Variants in NT5DC2 observed in about 807,000 individuals in gnomAD.
NT5DC2 encodes 5'-nucleotidase domain containing 2, also known as 5'-nucleotidase domain-containing protein 2.
In NT5DC2, 41 loss-of-function variants were observed where a neutral mutation model predicts 70.0. The observed-to-expected ratio is 0.59, with a 90% CI of 0.46 to 0.76. The LOEUF is 0.76. Ranked by LOEUF, NT5DC2 falls within the 30% of genes least tolerant of loss-of-function variation. NT5DC2 has a pLI of 0.00. For missense variants in NT5DC2, 705 were observed against 783.2 expected (o/e 0.90, Z 1.19); for synonymous variants, 299 against 310.4 (o/e 0.96, Z 0.39).
rs2079199673 is a variant in NT5DC2 at position 52,524,394 on chromosome 3, G to A, written c.*76C>T. ...TGAAAGCAGAAGCATGCACAGGGAG[G>A]AGACCACTTTTATTGCTTGTCTGGG... On this transcript the variant is annotated 3_prime_UTR_variant, in exon 14 of 14. Coordinates refer to ENST00000422318, the MANE Select transcript of NT5DC2 (RefSeq NM_001134231.2). 2 of 1,612,980 alleles carry A rather than the reference G, an allele frequency of 1.2e-6. No individual in the cohort carries two copies. Among genetic ancestry groups the A allele is most frequent in the Non-Finnish European group, 1.7e-6 (2 of 1,179,702 alleles).
chr3:52,529,175 C>T lies in NT5DC2; in HGVS notation c.392G>A (p.Arg131His), dbSNP rs147863928. Residue 131 changes from arginine (R) to histidine (H), a missense_variant, in exon 2 of 14, where the codon CGT (arginine) becomes CAT (histidine). Arg to His is a conservative substitution (Grantham distance 29). Transcript: ENST00000422318. The surrounding 1 kb of genome is among the most constrained non-coding windows in gnomAD (Gnocchi z 4.1). ...ALHPEIFSTA[R>H]DILIEHYKYP... ...CTTGTAGTGCTCGATCAGGATGTCA[C>T]GGGCGGTACTGAAGATCTCGGGGTG... is the stretch of plus-strand genomic sequence containing the variant. 1.7e-5 allele frequency: 27 copies of T among 1,613,954 alleles called. No homozygotes were observed. The highest frequency in any genetic ancestry group is 7.7e-5 in the South Asian group (7 of 91,086).
At chr3:52,534,705 C>A, upstream of NT5DC2, 1 of 1,566,194 alleles carries the variant, frequency 6.4e-7, no homozygotes, top group Non-Finnish European at 8.7e-7. Context: ...AGGCTGTGCT[C>A]AGGGTCCGGA....
chr3:52,527,457 C>T lies in NT5DC2; in HGVS notation c.1038-82G>A, dbSNP rs757651561. ...AACCCCCATCCCTCCTCCGTAAAGG[C>T]CCACCTGCTCAAGTGGACCCATGCC... On this transcript the variant is annotated intron_variant, in intron 9 of 13. Coordinates refer to ENST00000422318, the MANE Select transcript of NT5DC2 (RefSeq NM_001134231.2). 2,018 of 1,506,158 alleles carry T rather than the reference C, an allele frequency of 1.3e-3. 46 individuals are homozygous for T. Among genetic ancestry groups the T allele is most frequent in the Non-Finnish European group, 2.6e-4 (288 of 1,090,498 alleles). The allele number at this position is 1,506,158 out of a possible 1,614,324, so 93.3% of individuals were successfully genotyped here.
chr3:52,534,097 G>C (rs1041173592), upstream of NT5DC2: 2 of 264,116 alleles, frequency 7.6e-6, no homozygotes, highest in African/African-American at 4.7e-5. Context: ...GGCCGTCCCT[G>C]AGAGGCTCCG....
rs893547843 is a variant in NT5DC2, at chr3:52,528,222, G to A, written c.732C>T (p.Ser244=). The change falls in exon 6 of 14, where the codon AGC becomes AGT. Residue 244 remains serine, a synonymous_variant. Transcript: ENST00000422318. ...SCVVDYFLGH[S]LEFDQAHLYK... Reference sequence around the variant, plus strand: ...AGAGATGTGCTTGGTCAAACTCCAGGCTGTGGCCCAGAAAGTAGTCCACCA... The same window carrying A: ...AGAGATGTGCTTGGTCAAACTCCAGACTGTGGCCCAGAAAGTAGTCCACCA... 6.2e-7 allele frequency: 1 copy of A among 1,613,228 alleles called. No individual in the cohort carries two copies. The highest frequency in any genetic ancestry group is 1.3e-5 in the African/African-American group (1 of 74,930).
chr3:52,534,586 T>A (rs1419306549), upstream of NT5DC2: 25 of 1,613,750 alleles, frequency 1.5e-5, no homozygotes, highest in Non-Finnish European at 2.0e-5. Context: ...TGTGGTCTTT[T>A]CTAGCAACGT....
At chr3:52,530,613 G>A (rs1265443899) in intron 1 of NT5DC2, among the ~76,000 whole-genome samples, 1 of 152,158 alleles carries the variant, frequency 6.6e-6, no homozygotes, top group East Asian at 1.9e-4. Flanking sequence ...TACTCAGGAG[G>A]CTGAGGCGAG....
chr3:52,534,506 C>G, upstream of NT5DC2: 1 of 1,612,746 alleles, frequency 6.2e-7, no homozygotes. Context: ...CCGCTTGGTT[C>G]GGACCTCGGC....
chr3:52,525,677 G>A, intron 10 of NT5DC2: 1 of 198,234 alleles, frequency 5.0e-6, no homozygotes, highest in Non-Finnish European at 1.0e-5. Context: ...CAGACCAATG[G>A]CAGACCTCAC....
At chr3:52,530,288 A>C (rs996307455) in intron 1 of NT5DC2, among the ~76,000 whole-genome samples, 1 of 152,244 alleles carries the variant, frequency 6.6e-6, no homozygotes, top group Non-Finnish European at 1.5e-5. Context: ...TGAGGCCCAC[A>C]GCAGGGTGCT....
chr3:52,525,642 C>A (rs921666672), intron 10 of NT5DC2: 10 of 275,874 alleles, frequency 3.6e-5, no homozygotes, highest in Non-Finnish European at 4.9e-5. Context: ...GCTGGCCTCC[C>A]CTGCCTCAGT....
At chr3:52,530,338 G>A (rs1015584287) in intron 1 of NT5DC2, among the ~76,000 whole-genome samples, 21 of 152,206 alleles carry the variant, frequency 1.4e-4, no homozygotes, top group Admixed American at 1.1e-3. Context: ...GGGTCCCAAG[G>A]AGGCAGATGG....
chr3:52,527,949 T>C lies in NT5DC2; in HGVS notation c.833-18A>G, dbSNP rs201139153. On this transcript the variant is annotated intron_variant, in intron 7 of 13. Transcript: ENST00000422318. Reference sequence around the variant, plus strand: ...GTACTTCTCTAATGGGGCAGATGAGTCTGTGAGGGTCAGTCCTGCCACCTG... The same window carrying C: ...GTACTTCTCTAATGGGGCAGATGAGCCTGTGAGGGTCAGTCCTGCCACCTG... 6.2e-7 allele frequency: 1 copy of C among 1,613,330 alleles called. No individual in the cohort carries two copies. The highest frequency in any genetic ancestry group is 2.2e-5 in the East Asian group (1 of 44,876).
rs199497753 is a variant in NT5DC2, at chr3:52,529,207, G to A, written c.360C>T (p.Asp120=). 5.7e-4 allele frequency: 917 copies of A among 1,613,988 alleles called. 2 individuals carry two copies. Among genetic ancestry groups the A allele is most frequent in the Non-Finnish European group, 6.4e-4 (756 of 1,179,994 alleles). The change falls in exon 2 of 14, where the codon GAC becomes GAT. Residue 120 remains aspartate, a synonymous_variant. Coordinates refer to ENST00000422318, the MANE Select transcript of NT5DC2 (RefSeq NM_001134231.2). This position sits in a 1 kb window ranked among gnomAD's most constrained non-coding sequence, Gnocchi z 4.1. ...TACTGAAGATCTCGGGGTGCAGTGC[G>A]TCTGCATACTGGGCCAGGGTGTAGT... ...DYDYTLAQYA[D]ALHPEIFSTA...
upstream of NT5DC2, chr3:52,534,868 C>CT (rs1161618970): frequency 3.4e-6 from 2 of 586,644 alleles, no homozygotes; most frequent in Non-Finnish European, 6.0e-6. Context: ...AGTCCATGGC[C>CT]TGGGGACTGG....
chr3:52,524,730 A>C lies in NT5DC2; in HGVS notation c.1414T>G (p.Cys472Gly). The C allele has an allele frequency of 6.2e-7, 1 of 1,612,654 alleles. No individual in the cohort carries two copies. Among genetic ancestry groups the C allele is most frequent in the Non-Finnish European group, 8.5e-7 (1 of 1,179,932 alleles). The change falls in exon 14 of 14, where the codon TGC (cysteine) becomes GGC (glycine). Residue 472 changes from cysteine to glycine, a missense_variant and splice_region_variant. Physicochemically the swap from Cys to Gly is radical, Grantham distance 159 (BLOSUM62 -3). Transcript: ENST00000422318. ...GCATTGAACAGGGCCTTGGTGATGC[A>C]CCTGGCGAGGGAGACACGATGCGCT... ...AWMKERQELR[C>G]ITKALFNAQF... is the part of the protein sequence containing the mutation.
At chr3:52,534,345 A>T, upstream of NT5DC2, 1 of 900,804 alleles carries the variant, frequency 1.1e-6, no homozygotes, top group South Asian at 1.5e-5. Context: ...GGGCCAGTCC[A>T]CTCACTGGTC....
At position 52,529,370 on chromosome 3, in the gene NT5DC2, A is replaced by ATGATGATCCCTGCAGCAGCTATGGC; in HGVS notation, c.233-61_233-37dup. The stretch of plus-strand genomic sequence containing the variant: ...GAGATGCAGGGAGGCAGTGATGGGG[A>ATGATGATCCCTGCAGCAGCTATGGC]TGATGATCCCTGCAGCAGCTATGGC... On this transcript the variant is annotated intron_variant, in intron 1 of 13. Transcript: ENST00000422318. The surrounding 1 kb of genome is among the most constrained non-coding windows in gnomAD (Gnocchi z 4.1). 1 of 1,598,572 alleles carries ATGATGATCCCTGCAGCAGCTATGGC rather than the reference A, an allele frequency of 6.3e-7. No individual in the cohort carries two copies. Among genetic ancestry groups the ATGATGATCCCTGCAGCAGCTATGGC allele is most frequent in the Non-Finnish European group, 8.6e-7 (1 of 1,169,566 alleles).
upstream of NT5DC2, chr3:52,534,371 C>G: frequency 1.8e-6 from 2 of 1,137,066 alleles, no homozygotes; most frequent in Admixed American, 2.0e-5. Flanking sequence ...AATAAAGAGC[C>G]CTTCCCGCGC....
Sources: allele counts gnomAD v4.1 joint callset (sites outside exome capture counted in the v4.1 genomes callset), GRCh38; gene constraint gnomAD v4.1.1; non-coding constraint Gnocchi (gnomAD v3.1); transcripts MANE v1.5; gene names NCBI Gene and HGNC (gene_info 2026-07-23, HGNC 2026-07-21).